THOC2: variants seen among roughly 807,000 people sequenced by gnomAD.
THOC2 encodes the protein THO complex subunit 2.
In THOC2, 10 loss-of-function variants were observed where a neutral mutation model predicts 128.4. That is an observed-to-expected ratio of 0.08 (90% CI 0.05 to 0.13). The LOEUF is 0.13. Ranked by LOEUF, THOC2 falls within the 10% of genes least tolerant of loss-of-function variation. The pLI, the probability that THOC2 is intolerant of heterozygous loss-of-function variation, is 1.00. For missense variants in THOC2, 535 were observed against 1,155.7 expected (o/e 0.46, Z 7.79); for synonymous variants, 393 against 396.9 (o/e 0.99, Z 0.12).
At chrX:123,631,135 G>C (rs1469043625) in intron 22 of THOC2, among the ~76,000 whole-genome samples, 1 of 111,816 alleles carries the variant, frequency 8.9e-6, no homozygotes, top group African/African-American at 3.2e-5. Flanking sequence ...TGTTCACTTA[G>C]CACAGGGCAG....
chrX:123,606,467 G>A (rs1033040387), intron 38 of THOC2, among the ~76,000 whole-genome samples: 6 of 110,327 alleles, frequency 5.4e-5, no homozygotes, highest in Non-Finnish European at 1.1e-4. Context: ...GGTGGCACAT[G>A]CCTGTAATCC....
rs748233001 is a variant in THOC2, at chrX:123,613,368, A to T, written c.4677+31T>A. On this transcript the variant is annotated intron_variant, in intron 36 of 38. Transcript: ENST00000245838. ...TTCAGGATTGATTTTTTTAAGATAA[A>T]GCATATTATTCCTTTATTTTCCTAA... is the stretch of plus-strand genomic sequence containing the variant. 6 of 1,164,258 alleles carry T rather than the reference A, an allele frequency of 5.2e-6. No homozygotes were observed. In the South Asian group the frequency reaches 1.1e-4, roughly 22 times the overall value.
At chrX:123,676,152 G>A (rs984751446) in intron 8 of THOC2, among the ~76,000 whole-genome samples, 5 of 111,988 alleles carry the variant, frequency 4.5e-5, no homozygotes, top group East Asian at 2.8e-4. Context: ...CAGGCTTTTC[G>A]GTCTCACTAC....
intron 12 of THOC2, among the ~76,000 whole-genome samples, chrX:123,662,053 G>A (rs1226339773): frequency 1.8e-5 from 2 of 112,082 alleles, no homozygotes; most frequent in Non-Finnish European, 3.8e-5. Context: ...TATTTCAGAT[G>A]TCAAGAAATT....
At chrX:123,607,624 G>T (rs953114087) in intron 38 of THOC2, among the ~76,000 whole-genome samples, 1 of 109,599 alleles carries the variant, frequency 9.1e-6, no homozygotes, top group Non-Finnish European at 1.9e-5. Flanking sequence ...ATTCTAATGT[G>T]ATTATTTTAA....
At chrX:123,625,259 T>A (rs1475448755) in intron 25 of THOC2, among the ~76,000 whole-genome samples, 2 of 109,763 alleles carry the variant, frequency 1.8e-5, no homozygotes, top group Non-Finnish European at 3.8e-5. Flanking sequence ...ACCCGGCTAA[T>A]TTTTTTGTAT....
intron 32 of THOC2, chrX:123,620,331 A>G (rs2047038123): frequency 8.9e-6 from 1 of 111,866 alleles, no homozygotes; most frequent in South Asian, 3.8e-4. Context: ...CAATGGGTAT[A>G]AACAAACCTC....
chrX:123,626,097 T>C, intron 24 of THOC2, 28 bp from the exon 25 acceptor site: 3 of 1,107,132 alleles, frequency 2.7e-6, no homozygotes, highest in Non-Finnish European at 3.7e-6. Flanking sequence ...ATATATTAAG[T>C]GGTAAACTTC....
chrX:123,617,299 A>C (rs2046932213), intron 33 of THOC2, among the ~76,000 whole-genome samples: 1 of 111,167 alleles, frequency 9.0e-6, no homozygotes, highest in East Asian at 2.8e-4. Context: ...TAGGAGTCAC[A>C]CAGTTTTTAG....
intron 4 of THOC2, among the ~76,000 whole-genome samples, chrX:123,702,920 A>G (rs1218074229): frequency 9.0e-6 from 1 of 111,343 alleles, no homozygotes; most frequent in African/African-American, 3.3e-5. Context: ...TAAGTCACAG[A>G]AATACTCCTT....
At chrX:123,694,525 T>C (rs2050365889) in intron 7 of THOC2, among the ~76,000 whole-genome samples, 1 of 109,565 alleles carries the variant, frequency 9.1e-6, no homozygotes, top group South Asian at 4.0e-4. Flanking sequence ...GGAGAACTGC[T>C]TGAACCCGGG....
intron 38 of THOC2, among the ~76,000 whole-genome samples, chrX:123,605,902 C>T (rs966925183): frequency 1.1e-4 from 12 of 110,475 alleles, no homozygotes; most frequent in Non-Finnish European, 1.9e-4. Context: ...ACAAAAGAAA[C>T]GAGCTGAGTG....
rs2047491757 is a variant in THOC2, at chrX:123,631,680, G to C, written c.2481+8C>G. 1 of 1,205,575 alleles carries C rather than the reference G, an allele frequency of 8.3e-7. No homozygotes were observed. The highest frequency in any genetic ancestry group is 1.1e-6 in the Non-Finnish European group (1 of 892,832). On this transcript the variant is annotated splice_region_variant and intron_variant, in intron 22 of 38. Transcript: ENST00000245838. ...TTCTTGAGCGGCAGCAAAGACACTTGTACTTACCGAAATATGATGGGCATA... is the reference window on the plus strand; with the variant it reads ...TTCTTGAGCGGCAGCAAAGACACTTCTACTTACCGAAATATGATGGGCATA...
intron 7 of THOC2, among the ~76,000 whole-genome samples, chrX:123,694,008 C>G (rs923200751): frequency 9.0e-6 from 1 of 110,859 alleles, no homozygotes. Flanking sequence ...GAGTAAAGTT[C>G]AAGAAAAGTA....
Position 123,631,778 on chromosome X carries a change from C to T in THOC2, c.2391G>A (p.Val797=), listed in dbSNP as rs762752887. ...CATTACAGAGTACATCAATTGAAGGCACTCGCTTTATATAATCTTCTGTGC... is the reference window on the plus strand; with the variant it reads ...CATTACAGAGTACATCAATTGAAGGTACTCGCTTTATATAATCTTCTGTGC... ...NLSTEDYIKR[V]PSIDVLCNEF... The change falls in exon 22 of 39, where the codon GTG becomes GTA. Residue 797 remains valine, a synonymous_variant. Transcript: ENST00000245838. 2 of 1,208,733 alleles carry T rather than the reference C, an allele frequency of 1.7e-6. No homozygotes were observed. Among genetic ancestry groups the T allele is most frequent in the Non-Finnish European group, 2.2e-6 (2 of 893,012 alleles).
At position 123,732,993 on chromosome X, in the gene THOC2, T is replaced by G. The variant is rs780309324; in HGVS notation, c.30A>C (p.Ala10=). The G allele has an allele frequency of 9.1e-6, 11 of 1,211,810 alleles. No individual in the cohort carries two copies. Among genetic ancestry groups the G allele is most frequent in the Non-Finnish European group, 1.2e-5 (11 of 895,477 alleles). Residue 10 remains alanine (A), a synonymous_variant, in exon 1 of 39, where the codon GCA becomes GCC. Transcript: ENST00000245838. MAAAAVVVP[A]EWIKNWEKSG... ...ATTTCTCCCAGTTCTTTATCCACTC[T>G]GCGGGAACCACCACAGCCGCGGCCG...
intron 23 of THOC2, 45 bp from the exon 24 acceptor site, chrX:123,626,707 A>T: frequency 9.0e-7 from 1 of 1,113,700 alleles, no homozygotes; most frequent in East Asian, 3.1e-5. Context: ...TATGCACATT[A>T]CCTTTCTTCT....
At chrX:123,719,188 A>G (rs1343149603) in intron 1 of THOC2, among the ~76,000 whole-genome samples, 1 of 109,904 alleles carries the variant, frequency 9.1e-6, no homozygotes, top group East Asian at 2.8e-4. Context: ...CCAAAAAAAA[A>G]AAAAAGAAGT....
intron 4 of THOC2, among the ~76,000 whole-genome samples, chrX:123,703,072 G>A (rs1470037504): frequency 8.9e-6 from 1 of 111,786 alleles, no homozygotes; most frequent in Non-Finnish European, 1.9e-5. Context: ...AATCAAAAGA[G>A]TACAAGAGCA....
Sources: allele counts gnomAD v4.1 joint callset (sites outside exome capture counted in the v4.1 genomes callset), GRCh38; gene constraint gnomAD v4.1.1; transcripts MANE v1.5; gene names NCBI Gene and HGNC (gene_info 2026-07-23, HGNC 2026-07-21).